Variants in CENPL observed in about 807,000 individuals in gnomAD.
The protein encoded by CENPL is interphase centromere complex protein 33.
In CENPL, 20 loss-of-function variants were observed where a neutral mutation model predicts 35.2. The ratio of observed to expected loss-of-function variants is 0.57; its 90% CI spans 0.40 to 0.83. CENPL has a LOEUF of 0.83. Ranked by LOEUF, CENPL falls within the 40% of genes least tolerant of loss-of-function variation. The pLI, the probability that CENPL is intolerant of heterozygous loss-of-function variation, is 0.00. For synonymous variants in CENPL, 140 were observed against 140.6 expected (o/e 1.00, Z 0.03); for missense variants, 363 against 395.8 (o/e 0.92, Z 0.70).
chr1:173,821,893 C>G (rs1651989455), intron 2 of CENPL: 3 of 149,904 alleles, frequency 2.0e-5, no homozygotes, highest in Middle Eastern at 3.4e-3. Context: ...GCAGCCTCCA[C>G]CTGCTGGGCT....
Position 173,807,368 on chromosome 1 carries a change from G to C in CENPL, c.319C>G (p.Leu107Val). 6.2e-7 allele frequency: 1 copy of C among 1,613,628 alleles called. No individual in the cohort carries two copies. Among genetic ancestry groups the C allele is most frequent in the Non-Finnish European group, 8.5e-7 (1 of 1,179,732 alleles). ...AFIVAEKQKG[L>V]AVEVGEDFNI... ...AAGTCTTCTCCCACTTCCACAGCAA[G>C]TCCTTTTTGCTTTTCAGCAACAATA... Residue 107 changes from leucine (L) to valine (V), a missense_variant, in exon 4 of 6, where the codon CTT becomes GTT. Transcript: ENST00000682279.
chr1:173,802,927 A>G (rs776137057), intron 5 of CENPL, 36 bp downstream of exon 5: 2 of 1,418,776 alleles, frequency 1.4e-6, no homozygotes, highest in East Asian at 4.6e-5. Context: ...ACCATAAAAC[A>G]AGGAAAAATT....
rs114178395 is a variant in CENPL at position 173,803,623 on chromosome 1, A to C, written c.421-118T>G. ...GCCAATGTAATACTTGCAAAAAAAA[A>C]CATAGAGGGAATAGTCTCCCTAATG... On this transcript the variant is annotated intron_variant, in intron 4 of 5. Coordinates refer to ENST00000682279, the MANE Select transcript of CENPL (RefSeq NM_001387287.1). 4.1e-3 allele frequency: 3,736 copies of C among 902,360 alleles called. 76 individuals carry two copies. The African/African-American group carries it at 0.047, about 11-fold the overall frequency. 55.9% of individuals were successfully genotyped at this position (902,360 alleles called of 1,614,324 possible).
chr1:173,803,605 T>C (rs1649956606), intron 4 of CENPL, 100 bp from the exon 5 acceptor site: 1 of 1,069,162 alleles, frequency 9.4e-7, no homozygotes. Flanking sequence ...CGAGCCAATG[T>C]AATACTTGCA....
intron 3 of CENPL, among the ~76,000 whole-genome samples, chr1:173,810,212 G>C (rs2102584242): frequency 6.6e-6 from 1 of 152,270 alleles, no homozygotes; most frequent in South Asian, 2.1e-4. Context: ...CCTTTGCAGG[G>C]ACATGGATGG....
intron 3 of CENPL, among the ~76,000 whole-genome samples, chr1:173,808,138 T>C (rs1650412821): frequency 6.6e-6 from 1 of 152,192 alleles, no homozygotes; most frequent in Non-Finnish European, 1.5e-5. Context: ...CCAGGCACAG[T>C]GGCTGACGAC....
At chr1:173,814,891 C>G (rs758471757) in intron 2 of CENPL, among the ~76,000 whole-genome samples, 9 of 152,044 alleles carry the variant, frequency 5.9e-5, no homozygotes, top group Non-Finnish European at 1.0e-4. Flanking sequence ...ATCAATGAAT[C>G]CAGGAGCTGG....
At chr1:173,805,188 T>C (rs931018514) in intron 4 of CENPL, among the ~76,000 whole-genome samples, 2 of 152,190 alleles carry the variant, frequency 1.3e-5, no homozygotes, top group Admixed American at 1.3e-4. Context: ...AACTGCTAAT[T>C]GTCTCTTGAG....
Position 173,811,212 on chromosome 1 carries a change from G to C in CENPL, c.88C>G (p.Arg30Gly). Residue 30 changes from arginine (R) to glycine (G), a missense_variant, in exon 3 of 6, where the codon CGA (arginine) becomes GGA (glycine). Arg to Gly is a moderately radical substitution (Grantham distance 125, BLOSUM62 -2). Transcript: ENST00000682279. ...YFIGATPLQK[R>G]LESVRKQSSF... is the part of the protein sequence containing the mutation. ...CTCTGCTTCCTGACCGATTCTAATC[G>C]TTTCTGCAGAGGAGTGGCACCTATA... 2 of 1,613,962 alleles carry C rather than the reference G, an allele frequency of 1.2e-6. No individual in the cohort carries two copies. The highest frequency in any genetic ancestry group is 1.7e-6 in the Non-Finnish European group (2 of 1,179,872).
intron 2 of CENPL, among the ~76,000 whole-genome samples, chr1:173,818,441 A>G (rs935679427): frequency 2.6e-5 from 4 of 152,166 alleles, no homozygotes; most frequent in African/African-American, 7.2e-5. Context: ...TTGCTTCTCA[A>G]CTGCATTTCC....
At chr1:173,820,932 A>C (rs1651886363) in intron 2 of CENPL, among the ~76,000 whole-genome samples, 2 of 152,198 alleles carry the variant, frequency 1.3e-5, no homozygotes, top group African/African-American at 4.8e-5. Context: ...AAGGCAACAC[A>C]AGAATTCCTT....
intron 2 of CENPL, among the ~76,000 whole-genome samples, chr1:173,821,392 A>G (rs1165434820): frequency 6.6e-6 from 1 of 152,224 alleles, no homozygotes; most frequent in East Asian, 1.9e-4. Context: ...GGGATCAATT[A>G]TGAGGCAACA....
chr1:173,802,280 A>G (rs1004785935), intron 5 of CENPL, among the ~76,000 whole-genome samples: 7 of 151,638 alleles, frequency 4.6e-5, no homozygotes, highest in Non-Finnish European at 1.5e-5. Context: ...ATCTCGGCTC[A>G]CTACAAGCTC....
chr1:173,806,025 T>C (rs1053906730), intron 4 of CENPL, among the ~76,000 whole-genome samples: 1 of 152,224 alleles, frequency 6.6e-6, no homozygotes, highest in South Asian at 2.1e-4. Context: ...ATATGGGCTC[T>C]GTTGCAACTT....
intron 3 of CENPL, among the ~76,000 whole-genome samples, chr1:173,809,210 G>C (rs1350430201): frequency 6.6e-6 from 1 of 152,122 alleles, no homozygotes; most frequent in Non-Finnish European, 1.5e-5. Context: ...GGGCGTGGTG[G>C]CGGGCACCTG....
intron 4 of CENPL, chr1:173,806,638 T>G (rs1482954004): frequency 3.8e-6 from 1 of 264,848 alleles, no homozygotes; most frequent in African/African-American, 2.3e-5. Context: ...TTCCTGTAAG[T>G]AGTATATAAG....
At chr1:173,816,169 C>A (rs979161173) in intron 2 of CENPL, among the ~76,000 whole-genome samples, 2 of 152,122 alleles carry the variant, frequency 1.3e-5, no homozygotes, top group African/African-American at 4.8e-5. Flanking sequence ...AACCACTGCT[C>A]AACAAAATAA....
chr1:173,801,287 T>A (rs1395628880), intron 5 of CENPL, among the ~76,000 whole-genome samples: 1 of 149,148 alleles, frequency 6.7e-6, no homozygotes, highest in Non-Finnish European at 1.5e-5. Context: ...GAGGCCGAGG[T>A]GGGTGGATCA....
intron 3 of CENPL, among the ~76,000 whole-genome samples, chr1:173,808,145 C>T (rs12061237): frequency 0.017 from 2,626 of 152,166 alleles, 65 homozygotes; most frequent in African/African-American, 0.061. Flanking sequence ...CAGTGGCTGA[C>T]GACTGTAATC....
Sources: gnomAD v4.1 joint callset for allele counts (sites outside exome capture counted in the v4.1 genomes callset) on GRCh38, gnomAD v4.1.1 for gene constraint, MANE v1.5 for transcripts, NCBI Gene and HGNC (gene_info 2026-07-23, HGNC 2026-07-21) for gene names.